The following MAST2 variants were observed in gnomAD, a reference collection of about 807,000 sequenced individuals.
The protein encoded by MAST2 is microtubule-associated serine/threonine-protein kinase 2.
Under a neutral mutation model 147.4 loss-of-function variants are expected in MAST2, and 70 were observed. The observed-to-expected ratio is 0.47, with a 90% CI of 0.39 to 0.58. MAST2 has a LOEUF of 0.58. MAST2 is among the 20% of genes least tolerant of loss of function. MAST2 has a pLI of 0.00. For missense variants in MAST2, 2,080 were observed against 2,302.3 expected (o/e 0.90, Z 1.98); for synonymous variants, 869 against 896.8 (o/e 0.97, Z 0.55).
intron 5 of MAST2, among the ~76,000 whole-genome samples, chr1:45,975,063 C>T (rs1387161924): frequency 6.6e-6 from 1 of 152,132 alleles, no homozygotes; most frequent in Non-Finnish European, 1.5e-5. Flanking sequence ...AGCAGGATGT[C>T]TACCCCACCT....
At chr1:46,003,905 GC>G (rs1645375850) in intron 7 of MAST2, among the ~76,000 whole-genome samples, 1 of 152,124 alleles carries the variant, frequency 6.6e-6, no homozygotes, top group African/African-American at 2.4e-5. Flanking sequence ...CCCATTACTT[GC>G]AGCATTCTTC....
At chr1:45,950,515 C>G (rs1658773494) in intron 4 of MAST2, among the ~76,000 whole-genome samples, 1 of 152,170 alleles carries the variant, frequency 6.6e-6, no homozygotes, top group Non-Finnish European at 1.5e-5. Flanking sequence ...AAATTTCTAC[C>G]TGTAAGCCTT....
At chr1:45,991,265 A>G (rs1460965505) in intron 5 of MAST2, among the ~76,000 whole-genome samples, 1 of 152,156 alleles carries the variant, frequency 6.6e-6, no homozygotes, top group Non-Finnish European at 1.5e-5. Flanking sequence ...CTGTTCTTCC[A>G]CCATGTTGTC....
In MAST2 at chr1:45,931,664, GT is replaced by G. The variant is rs200292494; in HGVS notation, c.501-27713del. ...GCCACCACACCTGGCTAATTTTTGT[GT>G]TTTTTTTTAGTAGAGACAGGACTTC... is the stretch of plus-strand genomic sequence containing the variant. On this transcript the variant is annotated intron_variant, in intron 4 of 28. Transcript: ENST00000361297. Among the ~76,000 whole-genome samples the G allele has an allele frequency of 6.0e-5, 9 of 150,354 alleles. No homozygotes were observed. The East Asian group carries it at 1.8e-3, about 29-fold the overall frequency.
At chr1:45,812,852 C>T (rs1481852363) in intron 1 of MAST2, among the ~76,000 whole-genome samples, 1 of 152,176 alleles carries the variant, frequency 6.6e-6, no homozygotes, top group African/African-American at 2.4e-5. Context: ...CAGTCTGCCT[C>T]ATGTCAATAG....
intron 8 of MAST2, among the ~76,000 whole-genome samples, chr1:46,006,795 A>AG (rs1409873237): frequency 1.3e-5 from 2 of 152,146 alleles, no homozygotes; most frequent in African/African-American, 4.8e-5. Context: ...TTCTGTTTAA[A>AG]GGTAGTTAGC....
At chr1:45,843,278 A>G (rs1439425845) in intron 3 of MAST2, among the ~76,000 whole-genome samples, 1 of 152,046 alleles carries the variant, frequency 6.6e-6, no homozygotes, top group Non-Finnish European at 1.5e-5. Flanking sequence ...GCCCTTGATG[A>G]AGTCTAACTT....
At chr1:45,865,072 G>T (rs1016163011) in intron 3 of MAST2, 9 of 456,012 alleles carry the variant, frequency 2.0e-5, no homozygotes, top group Admixed American at 1.9e-4. Context: ...ACTGTCTGGG[G>T]AGTGGCTTTT....
intron 4 of MAST2, among the ~76,000 whole-genome samples, chr1:45,921,058 C>T (rs1482095228): frequency 6.6e-6 from 1 of 152,190 alleles, no homozygotes; most frequent in Non-Finnish European, 1.5e-5. Context: ...TGCAGTGGCG[C>T]AATCTCGGCT....
chr1:45,897,162 T>C (rs769718915), intron 4 of MAST2, among the ~76,000 whole-genome samples: 1 of 152,210 alleles, frequency 6.6e-6, no homozygotes, highest in Non-Finnish European at 1.5e-5. Context: ...AGAATCTTCT[T>C]GTGCTGTTCC....
chr1:46,029,738 T>C, intron 19 of MAST2, 93 bp from the exon 20 acceptor site: 1 of 1,498,696 alleles, frequency 6.7e-7, no homozygotes, highest in Non-Finnish European at 9.1e-7. Context: ...CCCCTAGGTA[T>C]AGCTTCTGAA....
intron 4 of MAST2, among the ~76,000 whole-genome samples, chr1:45,958,388 T>C (rs554593953): frequency 1.3e-5 from 2 of 152,254 alleles, no homozygotes; most frequent in South Asian, 4.2e-4. Flanking sequence ...CTTTTCTCTC[T>C]GCCTCTCAGC....
At chr1:45,845,266 A>G (rs984472100) in intron 3 of MAST2, among the ~76,000 whole-genome samples, 16 of 152,340 alleles carry the variant, frequency 1.1e-4, no homozygotes, top group Middle Eastern at 3.4e-3. Flanking sequence ...GTAAAAAGTT[A>G]TAAGAGCAGG....
At chr1:45,950,361 A>G (rs932215968) in intron 4 of MAST2, among the ~76,000 whole-genome samples, 2 of 152,182 alleles carry the variant, frequency 1.3e-5, no homozygotes, top group African/African-American at 2.4e-5. Flanking sequence ...CACCCCCTAC[A>G]TACAATTAGG....
At chr1:45,841,749 C>G (rs1214828220) in intron 3 of MAST2, among the ~76,000 whole-genome samples, 1 of 152,124 alleles carries the variant, frequency 6.6e-6, no homozygotes, top group African/African-American at 2.4e-5. Flanking sequence ...GTGCTTCATT[C>G]AGCAAAAAGG....
intron 3 of MAST2, among the ~76,000 whole-genome samples, chr1:45,874,868 CT>C (rs1170992895): frequency 6.6e-6 from 1 of 152,146 alleles, no homozygotes; most frequent in Non-Finnish European, 1.5e-5. Flanking sequence ...GCTGGGGAAA[CT>C]GTAGAAAAAC....
chr1:45,933,708 C>T lies in MAST2; in HGVS notation c.501-25678C>T, dbSNP rs138741581. On this transcript the variant is annotated intron_variant, in intron 4 of 28. Coordinates refer to ENST00000361297, the MANE Select transcript of MAST2 (RefSeq NM_015112.3). ...GGCGGAGGTTGCAGTGAGCCAAGAT[C>T]GTGCCATTGCACTCTAGCCTGGGCA... is the stretch of plus-strand genomic sequence containing the variant. 6.9e-3 allele frequency among the ~76,000 whole-genome samples: 1,046 copies of T among 151,828 alleles called. 12 individuals carry two copies. Among genetic ancestry groups the T allele is most frequent in the African/African-American group, 0.024 (997 of 41,376 alleles).
intron 4 of MAST2, among the ~76,000 whole-genome samples, chr1:45,897,191 C>T (rs536294647): frequency 2.0e-5 from 3 of 152,246 alleles, no homozygotes; most frequent in Non-Finnish European, 4.4e-5. Flanking sequence ...GGCAGCAATA[C>T]AAGTCTAGGA....
intron 4 of MAST2, among the ~76,000 whole-genome samples, chr1:45,932,177 A>G (rs1325814360): frequency 6.6e-6 from 1 of 152,150 alleles, no homozygotes; most frequent in Non-Finnish European, 1.5e-5. Flanking sequence ...TCTTAAAATT[A>G]TGTAAGTACC....
Sources: allele counts gnomAD v4.1 joint callset (sites outside exome capture counted in the v4.1 genomes callset), GRCh38; gene constraint gnomAD v4.1.1; transcripts MANE v1.5; gene names NCBI Gene and HGNC (gene_info 2026-07-23, HGNC 2026-07-21).